PARD3: variants seen among roughly 807,000 people sequenced by gnomAD.
PARD3 encodes the protein partitioning defective 3 homolog.
In PARD3, 75 loss-of-function variants were observed where a neutral mutation model predicts 155.4. That is an observed-to-expected ratio of 0.48 (90% CI 0.40 to 0.58). The LOEUF is 0.58. Among genes scored for constraint, PARD3 ranks in the 20% least tolerant of loss-of-function variants. The pLI, the probability that PARD3 is intolerant of heterozygous loss-of-function variation, is 0.00. For missense variants in PARD3, 1,642 were observed against 1,721.7 expected (o/e 0.95, Z 0.82); for synonymous variants, 576 against 610.5 (o/e 0.94, Z 0.83).
chr10:34,695,634 C>G (rs1042910374), intron 2 of PARD3, among the ~76,000 whole-genome samples: 32 of 152,064 alleles, frequency 2.1e-4, no homozygotes, highest in African/African-American at 7.5e-4. Flanking sequence ...TGGGAGGGAA[C>G]ACTGAAGAGC....
intron 21 of PARD3, among the ~76,000 whole-genome samples, chr10:34,276,853 A>AT (rs1955908828): frequency 6.6e-6 from 1 of 152,136 alleles, no homozygotes; most frequent in Non-Finnish European, 1.5e-5. Flanking sequence ...TACATGTTGT[A>AT]TTTTTTTAAA....
intron 1 of PARD3, among the ~76,000 whole-genome samples, chr10:34,773,977 A>ATT (rs1839223506): frequency 6.6e-6 from 1 of 152,212 alleles, no homozygotes; most frequent in Non-Finnish European, 1.5e-5. Context: ...CCTCTGGGAA[A>ATT]TAAAATGTGC....
intron 22 of PARD3, among the ~76,000 whole-genome samples, chr10:34,203,985 T>A (rs763368671): frequency 6.6e-6 from 1 of 152,210 alleles, no homozygotes. Flanking sequence ...TAAAACTCAG[T>A]GGCAGCTAGA....
chr10:34,369,596 TA>T (rs1399780591), intron 12 of PARD3, among the ~76,000 whole-genome samples: 1 of 152,224 alleles, frequency 6.6e-6, no homozygotes, highest in South Asian at 2.1e-4. Context: ...AACTGTCTTC[TA>T]TTTTTTGTAA....
chr10:34,650,389 T>C (rs7924305), intron 2 of PARD3, among the ~76,000 whole-genome samples: 1,795 of 152,340 alleles, frequency 0.012, 46 homozygotes, highest in African/African-American at 0.04. Context: ...GGTCCATCAC[T>C]GACTGAAATG....
chr10:34,750,622 T>G (rs1564578655), intron 1 of PARD3, among the ~76,000 whole-genome samples: 1 of 152,156 alleles, frequency 6.6e-6, no homozygotes, highest in Non-Finnish European at 1.5e-5. Context: ...TTCTCTGAAC[T>G]AATTAAGTTT....
chr10:34,365,779 G>A (rs1839909971), intron 12 of PARD3, among the ~76,000 whole-genome samples: 1 of 152,042 alleles, frequency 6.6e-6, no homozygotes, highest in African/African-American at 2.4e-5. Flanking sequence ...GTAGAGACAG[G>A]GTTTCGCCAT....
chr10:34,195,825 T>C (rs1950908144), intron 22 of PARD3, among the ~76,000 whole-genome samples: 1 of 152,138 alleles, frequency 6.6e-6, no homozygotes, highest in South Asian at 2.1e-4. Flanking sequence ...CCTGAAAATC[T>C]TGCCACTCGC....
At chr10:34,661,278 C>T (rs1477145587) in intron 2 of PARD3, among the ~76,000 whole-genome samples, 1 of 152,162 alleles carries the variant, frequency 6.6e-6, no homozygotes, top group Non-Finnish European at 1.5e-5. Context: ...AATGTGCTGA[C>T]AAAGCTAACT....
At chr10:34,215,295 T>A (rs1363722166) in intron 22 of PARD3, among the ~76,000 whole-genome samples, 1 of 152,154 alleles carries the variant, frequency 6.6e-6, no homozygotes, top group African/African-American at 2.4e-5. Context: ...CTGGTTTCCA[T>A]CAGTACTGTA....
At chr10:34,711,812 T>G (rs1362794282) in intron 1 of PARD3, among the ~76,000 whole-genome samples, 1 of 152,166 alleles carries the variant, frequency 6.6e-6, no homozygotes, top group East Asian at 1.9e-4. Flanking sequence ...TGCGTGGACA[T>G]GCCAGGCCAT....
At chr10:34,426,939 G>A (rs183776374) in intron 5 of PARD3, among the ~76,000 whole-genome samples, 10 of 152,182 alleles carry the variant, frequency 6.6e-5, no homozygotes, top group South Asian at 2.1e-4. Context: ...TGCAATCTCC[G>A]AACATAAATT....
intron 7 of PARD3, 143 bp from the exon 8 acceptor site, chr10:34,384,397 G>A: frequency 1.2e-6 from 1 of 800,526 alleles, no homozygotes; most frequent in Non-Finnish European, 1.9e-6. Context: ...ATTTTTAAAT[G>A]ACAGACAAAA....
At position 34,815,119 on chromosome 10, in the gene PARD3, C is replaced by T. The variant is rs865916081; in HGVS notation, c.-124G>A. Reference sequence around the variant, plus strand: ...ACTCGGGCGCGCGGGCGGCTAGGGGCGCGGGCAGGCGGCGGCGACGCCGGG... The same window carrying T: ...ACTCGGGCGCGCGGGCGGCTAGGGGTGCGGGCAGGCGGCGGCGACGCCGGG... On this transcript the variant is annotated 5_prime_UTR_variant, in exon 1 of 25. Coordinates refer to ENST00000374788, the MANE Select transcript of PARD3 (RefSeq NM_001184785.2). 1.0e-3 allele frequency: 402 copies of T among 385,172 alleles called. 2 individuals are homozygous for T. Among genetic ancestry groups the T allele is most frequent in the African/African-American group, 8.0e-3 (359 of 45,126 alleles). 23.9% of individuals were successfully genotyped at this position (385,172 alleles called of 1,614,324 possible). A position where few individuals can be genotyped will look rare whatever the true frequency, so the allele number is the denominator to read the frequency against.
chr10:34,709,090 G>A (rs553115257), intron 1 of PARD3, among the ~76,000 whole-genome samples: 223 of 152,138 alleles, frequency 1.5e-3, no homozygotes, highest in African/African-American at 5.1e-3. Flanking sequence ...AAATGCTTGG[G>A]ACCAAAAGTG....
intron 20 of PARD3, 94 bp from the exon 21 acceptor site, chr10:34,284,339 A>G: frequency 1.4e-6 from 1 of 697,722 alleles, no homozygotes; most frequent in Non-Finnish European, 2.4e-6. Flanking sequence ...AATGAATGTT[A>G]GCTTCTTCAA....
At chr10:34,474,302 C>T (rs113269071) in intron 3 of PARD3, among the ~76,000 whole-genome samples, 2 of 152,258 alleles carry the variant, frequency 1.3e-5, no homozygotes, top group African/African-American at 4.8e-5. Flanking sequence ...TAACCCAGGT[C>T]CAAATAAATA....
Position 34,802,105 on chromosome 10 carries a change from C to T in PARD3, c.120+12771G>A, listed in dbSNP as rs532359437. On this transcript the variant is annotated intron_variant, in intron 1 of 24. Coordinates refer to ENST00000374788, the MANE Select transcript of PARD3 (RefSeq NM_001184785.2). Reference sequence around the variant, plus strand: ...AATTTCCTTTGAAGTAGCAGTGTTGCGGCTGCAATTATTTAGGAAGTAACA... The same window carrying T: ...AATTTCCTTTGAAGTAGCAGTGTTGTGGCTGCAATTATTTAGGAAGTAACA... 3.3e-5 allele frequency among the ~76,000 whole-genome samples: 5 copies of T among 152,136 alleles called. No individual in the cohort carries two copies. In the East Asian group the frequency reaches 7.7e-4, roughly 23 times the overall value.
chr10:34,239,567 C>G (rs886587337), intron 22 of PARD3, among the ~76,000 whole-genome samples: 1 of 151,968 alleles, frequency 6.6e-6, no homozygotes, highest in Non-Finnish European at 1.5e-5. Context: ...TTTGGGAGGC[C>G]GAGGCGGGTG....
Sources: gnomAD v4.1 joint callset for allele counts (sites outside exome capture counted in the v4.1 genomes callset) on GRCh38, gnomAD v4.1.1 for gene constraint, MANE v1.5 for transcripts, NCBI Gene and HGNC (gene_info 2026-07-23, HGNC 2026-07-21) for gene names.